PRELID2: variants seen among roughly 807,000 people sequenced by gnomAD.
PRELID2 encodes PRELI domain containing 2.
PRELID2 carries 25 observed loss-of-function variants against 28.4 expected under a neutral mutation model. The observed-to-expected ratio is 0.88, with a 90% CI of 0.64 to 1.23. The LOEUF (loss-of-function observed/expected upper bound fraction) is 1.23. Ranked by LOEUF, PRELID2 falls within the 50% of genes most tolerant of loss-of-function variation. PRELID2 has a pLI of 0.00. For missense variants in PRELID2, 201 were observed against 214.4 expected (o/e 0.94, Z 0.39); for synonymous variants, 76 against 71.6 (o/e 1.06, Z -0.31).
At chr5:145,487,759 G>A (rs1752230570) in intron 1 of PRELID2, among the ~76,000 whole-genome samples, 1 of 151,990 alleles carries the variant, frequency 6.6e-6, no homozygotes, top group Non-Finnish European at 1.5e-5. Flanking sequence ...GGTTTAGTAA[G>A]CTAATAGAAA....
chr5:145,521,720 T>C (rs751066544), intron 1 of PRELID2, among the ~76,000 whole-genome samples: 2 of 152,146 alleles, frequency 1.3e-5, no homozygotes, highest in African/African-American at 4.8e-5. Context: ...CCACGCACTG[T>C]GTAGGGCAGA....
At chr5:145,360,934 C>G in the PRELID2 span, among the ~76,000 whole-genome samples, 1 of 152,098 alleles carries the variant, frequency 6.6e-6, no homozygotes, top group South Asian at 2.1e-4. Flanking sequence ...CATCAAGATA[C>G]AGTATCCTAC....
intron 1 of PRELID2, among the ~76,000 whole-genome samples, chr5:145,661,100 G>A (rs1318713146): frequency 1.3e-5 from 2 of 152,156 alleles, no homozygotes; most frequent in East Asian, 3.8e-4. Flanking sequence ...CAATCTTACT[G>A]CTTAGGTTAC....
chr5:145,675,332 A>T (rs142346628), intron 1 of PRELID2, among the ~76,000 whole-genome samples: 199 of 152,308 alleles, frequency 1.3e-3, no homozygotes, highest in African/African-American at 4.7e-3. Context: ...GCAAATTAAG[A>T]TTATATACAC....
chr5:145,663,393 T>C (rs959809400), intron 1 of PRELID2, among the ~76,000 whole-genome samples: 20 of 152,226 alleles, frequency 1.3e-4, no homozygotes, highest in Admixed American at 1.0e-3. Flanking sequence ...CTGGTCACAA[T>C]TGAAGAGAAA....
chr5:145,540,334 T>A (rs2126670823), intron 1 of PRELID2, among the ~76,000 whole-genome samples: 1 of 152,048 alleles, frequency 6.6e-6, no homozygotes, highest in African/African-American at 2.4e-5. Flanking sequence ...ATAAACAATA[T>A]CTAGAGCCAA....
chr5:145,289,871 C>T, the PRELID2 span, among the ~76,000 whole-genome samples: 1 of 152,150 alleles, frequency 6.6e-6, no homozygotes, highest in Non-Finnish European at 1.5e-5. Flanking sequence ...AGCATCTTTT[C>T]ATAAGCTTAT....
chr5:145,466,576 T>C, the PRELID2 span, among the ~76,000 whole-genome samples: 1 of 152,296 alleles, frequency 6.6e-6, no homozygotes, highest in Non-Finnish European at 1.5e-5. Context: ...AATAGATAAA[T>C]AGTTTATCCA....
At chr5:145,804,547 A>G (rs1324785852) in intron 4 of PRELID2, among the ~76,000 whole-genome samples, 2 of 152,184 alleles carry the variant, frequency 1.3e-5, no homozygotes, top group African/African-American at 2.4e-5. Context: ...ATAACAGTTA[A>G]CATATTTTCA....
intron 1 of PRELID2, among the ~76,000 whole-genome samples, chr5:145,699,952 G>C (rs940910709): frequency 1.3e-5 from 2 of 152,114 alleles, no homozygotes; most frequent in African/African-American, 4.8e-5. Flanking sequence ...AGTTCAGAAA[G>C]CTGAATATAA....
chr5:145,502,132 A>C (rs1752364697), intron 1 of PRELID2, among the ~76,000 whole-genome samples: 1 of 152,130 alleles, frequency 6.6e-6, no homozygotes, highest in Non-Finnish European at 1.5e-5. Context: ...CAGGCTCTAC[A>C]GGAAGCATAA....
the PRELID2 span, among the ~76,000 whole-genome samples, chr5:145,444,589 T>G: frequency 1.3e-5 from 2 of 152,058 alleles, no homozygotes; most frequent in Non-Finnish European, 2.9e-5. Flanking sequence ...AGAAGACTCG[T>G]GAACCTGCTG....
At chr5:145,792,233 C>T (rs761204562) in intron 5 of PRELID2, among the ~76,000 whole-genome samples, 17 of 152,182 alleles carry the variant, frequency 1.1e-4, no homozygotes, top group Non-Finnish European at 2.1e-4. Flanking sequence ...TTCAAATCCC[C>T]GGTTCACCAT....
At chr5:145,753,978 C>T (rs1757193164), downstream of PRELID2, among the ~76,000 whole-genome samples, 4 of 152,140 alleles carry the variant, frequency 2.6e-5, no homozygotes, top group Admixed American at 2.6e-4. Flanking sequence ...GCTCGCAGGA[C>T]TAGCCCACAC....
chr5:145,435,672 C>T, the PRELID2 span, among the ~76,000 whole-genome samples: 29 of 152,072 alleles, frequency 1.9e-4, no homozygotes, highest in Admixed American at 1.9e-3. Context: ...CGTTCTTTGC[C>T]AAATAGGGTC....
At chr5:145,665,862 T>G (rs994581580) in intron 1 of PRELID2, among the ~76,000 whole-genome samples, 3 of 152,060 alleles carry the variant, frequency 2.0e-5, no homozygotes, top group African/African-American at 7.2e-5. Context: ...GCCAGGACTT[T>G]TTGTTCATAT....
the PRELID2 span, among the ~76,000 whole-genome samples, chr5:145,430,749 C>G: frequency 6.6e-6 from 1 of 152,180 alleles, no homozygotes; most frequent in Non-Finnish European, 1.5e-5. Context: ...TGTGCATTCT[C>G]ACAGGGCCCC....
the PRELID2 span, among the ~76,000 whole-genome samples, chr5:145,396,579 A>G: frequency 6.6e-6 from 1 of 152,234 alleles, no homozygotes; most frequent in East Asian, 1.9e-4. Flanking sequence ...TGCAGTAAAT[A>G]AAAGTTTGCC....
chr5:145,545,669 G>T (rs1752780649), intron 1 of PRELID2, among the ~76,000 whole-genome samples: 1 of 152,060 alleles, frequency 6.6e-6, no homozygotes, highest in Non-Finnish European at 1.5e-5. Flanking sequence ...ACCAGCATTT[G>T]TAAATGAATC....
Sources: gnomAD v4.1 joint callset for allele counts (sites outside exome capture counted in the v4.1 genomes callset) on GRCh38, gnomAD v4.1.1 for gene constraint, MANE v1.5 for transcripts, NCBI Gene and HGNC (gene_info 2026-07-23, HGNC 2026-07-21) for gene names.